Variants in CHRM3 observed in about 807,000 individuals in gnomAD.
CHRM3 encodes muscarinic acetylcholine receptor M3.
In CHRM3, 11 loss-of-function variants were observed where a neutral mutation model predicts 41.8. The observed-to-expected ratio is 0.26, with a 90% CI of 0.17 to 0.44. CHRM3 has a LOEUF of 0.44. CHRM3 is among the 20% of genes least tolerant of loss of function. The pLI, the probability that CHRM3 is intolerant of heterozygous loss-of-function variation, is 1.00. For missense variants in CHRM3, 571 were observed against 745.4 expected, an observed-to-expected ratio of 0.77 and a Z score of 2.72; for synonymous variants, 297 against 301.4, an observed-to-expected ratio of 0.99 and a Z score of 0.15.
At chr1:239,597,356 A>T (rs370037426) in intron 3 of CHRM3, among the ~76,000 whole-genome samples, 1 of 152,186 alleles carries the variant, frequency 6.6e-6, no homozygotes. Context: ...TTTATTTCTG[A>T]ATGCTAAAAT....
At chr1:239,774,043 C>A (rs928761626) in intron 5 of CHRM3, among the ~76,000 whole-genome samples, 1 of 152,134 alleles carries the variant, frequency 6.6e-6, no homozygotes. Context: ...ACTTTTTGTT[C>A]TGTCTGTAAT....
intron 5 of CHRM3, among the ~76,000 whole-genome samples, chr1:239,716,649 T>A (rs1270974735): frequency 6.6e-6 from 1 of 151,896 alleles, no homozygotes; most frequent in Admixed American, 6.6e-5. Context: ...TATTTTTAAT[T>A]TGGTAATAAG....
chr1:239,627,854 G>T (rs1372730737), intron 3 of CHRM3, among the ~76,000 whole-genome samples: 2 of 150,442 alleles, frequency 1.3e-5, no homozygotes, highest in African/African-American at 4.9e-5. Flanking sequence ...GGCTTGTAAG[G>T]TTTCTGCCGA....
intron 1 of CHRM3, among the ~76,000 whole-genome samples, chr1:239,419,115 G>T (rs549441503): frequency 9.9e-5 from 15 of 152,282 alleles, no homozygotes; most frequent in Admixed American, 2.6e-4. Context: ...AAGTAGGAGG[G>T]AAGGAAGTCA....
At chr1:239,404,716 C>CGAAA (rs1424231098) in intron 1 of CHRM3, among the ~76,000 whole-genome samples, 18 of 24,902 alleles carry the variant, frequency 7.2e-4, no homozygotes, top group Non-Finnish European at 2.3e-4. Context: ...CATGCTATAT[C>CGAAA]TAAATATATA....
chr1:239,843,464 T>A (rs982775966), intron 6 of CHRM3, among the ~76,000 whole-genome samples: 3 of 149,564 alleles, frequency 2.0e-5, no homozygotes, highest in Admixed American at 1.3e-4. Context: ...TTTTTTTTTT[T>A]TTTTTTGGCA....
chr1:239,872,399 G>A (rs1676666362), intron 6 of CHRM3, among the ~76,000 whole-genome samples: 1 of 152,140 alleles, frequency 6.6e-6, no homozygotes. Flanking sequence ...CAACAGACCT[G>A]TGGACCTGGT....
chr1:239,404,754 A>G (rs1467930304), intron 1 of CHRM3, among the ~76,000 whole-genome samples: 3 of 138,744 alleles, frequency 2.2e-5, no homozygotes, highest in Admixed American at 7.4e-5. Context: ...ATATATATAT[A>G]TATGGAAAAT....
intron 6 of CHRM3, among the ~76,000 whole-genome samples, chr1:239,849,311 C>T (rs1197452290): frequency 6.6e-6 from 1 of 152,142 alleles, no homozygotes; most frequent in African/African-American, 2.4e-5. Context: ...GGTGATGATT[C>T]AAGTATCATT....
intron 3 of CHRM3, among the ~76,000 whole-genome samples, chr1:239,622,989 C>G (rs1668550462): frequency 6.6e-6 from 1 of 152,016 alleles, no homozygotes; most frequent in Non-Finnish European, 1.5e-5. Context: ...CACAGCCTCC[C>G]CAGCTTTTGG....
chr1:239,726,330 A>G (rs1663434581), intron 5 of CHRM3, among the ~76,000 whole-genome samples: 1 of 151,968 alleles, frequency 6.6e-6, no homozygotes, highest in African/African-American at 2.4e-5. Flanking sequence ...TTTGAATCAA[A>G]TAATAGTAGA....
chr1:239,791,665 A>G (rs1276629221), intron 5 of CHRM3, among the ~76,000 whole-genome samples: 1 of 152,194 alleles, frequency 6.6e-6, no homozygotes, highest in Non-Finnish European at 1.5e-5. Context: ...GCTCAGTATA[A>G]TCTCTGCCAG....
At chr1:239,749,009 A>C (rs1665590383) in intron 5 of CHRM3, among the ~76,000 whole-genome samples, 3 of 152,132 alleles carry the variant, frequency 2.0e-5, no homozygotes, top group African/African-American at 7.2e-5. Flanking sequence ...AGGTAGGGAA[A>C]ACCTGGGGTC....
chr1:239,524,707 G>A (rs576294585), intron 2 of CHRM3, among the ~76,000 whole-genome samples: 105 of 152,218 alleles, frequency 6.9e-4, no homozygotes, highest in African/African-American at 2.5e-3. Context: ...CAAAAAGTTT[G>A]AAGAAATAAA....
intron 5 of CHRM3, among the ~76,000 whole-genome samples, chr1:239,765,524 C>T (rs931366764): frequency 2.0e-5 from 3 of 152,188 alleles, no homozygotes; most frequent in Admixed American, 1.3e-4. Context: ...CAACTGAATA[C>T]ACATTTTTAG....
intron 5 of CHRM3, among the ~76,000 whole-genome samples, chr1:239,784,504 T>C (rs934602794): frequency 6.6e-6 from 1 of 152,210 alleles, no homozygotes; most frequent in African/African-American, 2.4e-5. Context: ...TTTGTGGTGA[T>C]ATAAGTACCT....
intron 4 of CHRM3, among the ~76,000 whole-genome samples, chr1:239,636,201 T>G (rs1670448254): frequency 6.6e-6 from 1 of 152,186 alleles, no homozygotes; most frequent in African/African-American, 2.4e-5. Context: ...CCCGAAAGAA[T>G]GAAATAATAA....
intron 1 of CHRM3, among the ~76,000 whole-genome samples, chr1:239,420,470 C>G (rs945391426): frequency 6.6e-6 from 1 of 152,120 alleles, no homozygotes; most frequent in Non-Finnish European, 1.5e-5. Flanking sequence ...ACAAGGAGGT[C>G]CTGATTCACA....
chr1:239,902,630 C>T (rs540211319), intron 6 of CHRM3, among the ~76,000 whole-genome samples: 38 of 152,278 alleles, frequency 2.5e-4, no homozygotes, highest in African/African-American at 9.1e-4. Flanking sequence ...AAAATTTCTG[C>T]TTCCCATTCA....
Sources: gnomAD v4.1 joint callset for allele counts (sites outside exome capture counted in the v4.1 genomes callset) on GRCh38, gnomAD v4.1.1 for gene constraint, MANE v1.5 for transcripts, NCBI Gene and HGNC (gene_info 2026-07-23, HGNC 2026-07-21) for gene names.